ARHGAP11B: variants seen among roughly 807,000 people sequenced by gnomAD.
The protein encoded by ARHGAP11B is Rho GTPase activating protein 11B.
Under a neutral mutation model 27.6 loss-of-function variants are expected in ARHGAP11B, and 14 were observed. The ratio of observed to expected loss-of-function variants is 0.51; its 90% CI spans 0.34 to 0.79. The LOEUF (loss-of-function observed/expected upper bound fraction) is 0.79. Ranked by LOEUF, ARHGAP11B falls within the 30% of genes least tolerant of loss-of-function variation. The pLI, the probability that ARHGAP11B is intolerant of heterozygous loss-of-function variation, is 0.02. For synonymous variants in ARHGAP11B, 82 were observed against 114.1 expected (o/e 0.72, Z 1.80); for missense variants, 245 against 320.1 (o/e 0.77, Z 1.79).
chr15:30,631,787 C>CTTTTTTTTT (rs765025486), intron 2 of ARHGAP11B, among the ~76,000 whole-genome samples: 29 of 139,568 alleles, frequency 2.1e-4, no homozygotes, highest in East Asian at 4.2e-4. Context: ...ACCTTTTGTT[C>CTTTTTTTTT]TTTTTTTTTT....
intron 7 of ARHGAP11B, chr15:30,641,476 T>C (rs2060315097): frequency 6.6e-6 from 1 of 151,572 alleles, no homozygotes; most frequent in African/African-American, 2.4e-5. Context: ...GCTGGGATTA[T>C]AGGTGGCCAC....
chr15:30,645,375 A>G (rs1008992722), intron 8 of ARHGAP11B, among the ~76,000 whole-genome samples: 1 of 152,002 alleles, frequency 6.6e-6, no homozygotes, highest in African/African-American at 2.4e-5. Context: ...GTATCAGTCA[A>G]CCTAATTACC....
chr15:30,643,690 G>C (rs927090322), intron 7 of ARHGAP11B, among the ~76,000 whole-genome samples: 2 of 152,002 alleles, frequency 1.3e-5, no homozygotes, highest in Non-Finnish European at 2.9e-5. Flanking sequence ...TTTGTCTAAG[G>C]GTTTCTCATG....
exon 1 of ARHGAP11B, chr15:30,626,802 A>C (rs761560945): frequency 3.1e-6 from 5 of 1,612,882 alleles, no homozygotes; most frequent in Non-Finnish European, 4.2e-6. Context: ...CCTGCCTCAG[A>C]GTTATCGACG....
exon 4 of ARHGAP11B, chr15:30,634,314 G>C (rs771068533): frequency 6.2e-7 from 1 of 1,613,380 alleles, no homozygotes; most frequent in Non-Finnish European, 8.5e-7. Context: ...TCAACAGTTA[G>C]GCACAGAGGA....
At chr15:30,634,699 A>T (rs971544572) in intron 4 of ARHGAP11B, among the ~76,000 whole-genome samples, 1 of 151,752 alleles carries the variant, frequency 6.6e-6, no homozygotes, top group Non-Finnish European at 1.5e-5. Context: ...CTGGGTTTTT[A>T]AAATATTTCT....
intron 1 of ARHGAP11B, among the ~76,000 whole-genome samples, chr15:30,628,931 T>C (rs192078682): frequency 9.2e-5 from 14 of 152,210 alleles, no homozygotes; most frequent in African/African-American, 3.4e-4. Flanking sequence ...AGAAGTAGAC[T>C]TACCAGCCTA....
chr15:30,639,171 C>T (rs1314740180), intron 7 of ARHGAP11B, among the ~76,000 whole-genome samples: 2 of 152,136 alleles, frequency 1.3e-5, no homozygotes, highest in African/African-American at 2.4e-5. Context: ...AATTTTTTAT[C>T]CTAATTTGCT....
rs553757531 is a variant in ARHGAP11B, at chr15:30,634,070, T to C, written c.298-100T>C. 3.1e-5 allele frequency: 44 copies of C among 1,403,670 alleles called. No homozygotes were observed. In the African/African-American group the frequency reaches 5.9e-4, roughly 19 times the overall value. 87.0% of individuals were successfully genotyped at this position (1,403,670 alleles called of 1,614,324 possible). ...ATATTAAAATAAGAGTTAAGAGAAA[T>C]TTATTAAAGAAAAGTGTAATTAGAG... is the stretch of plus-strand genomic sequence containing the variant. On this transcript the variant is annotated intron_variant, in intron 3 of 10. Transcript: ENST00000428041.
chr15:30,637,482 T>C (rs2060287245), intron 6 of ARHGAP11B, among the ~76,000 whole-genome samples: 3 of 152,092 alleles, frequency 2.0e-5, no homozygotes, highest in African/African-American at 4.8e-5. Flanking sequence ...CGCCTGTAAT[T>C]CCAGCACTCT....
At chr15:30,638,298 G>A (rs761471884) in intron 6 of ARHGAP11B, among the ~76,000 whole-genome samples, 1 of 152,034 alleles carries the variant, frequency 6.6e-6, no homozygotes, top group Non-Finnish European at 1.5e-5. Flanking sequence ...TAGTCAAACG[G>A]TGTTATTTAT....
At chr15:30,639,991 T>TGC (rs2060305585) in intron 7 of ARHGAP11B, among the ~76,000 whole-genome samples, 1 of 151,548 alleles carries the variant, frequency 6.6e-6, no homozygotes, top group African/African-American at 2.4e-5. Context: ...TGTGTGTGTG[T>TGC]GTGTGTGTGT....
intron 2 of ARHGAP11B, 78 bp downstream of exon 2, chr15:30,630,851 G>A: frequency 6.2e-7 from 1 of 1,607,930 alleles, no homozygotes; most frequent in Non-Finnish European, 8.5e-7. Flanking sequence ...AGGCCGAGGT[G>A]GGCAGATCAC....
rs373973490 is a variant in ARHGAP11B, at chr15:30,633,481, C to T, written c.201-9C>T. ...TATGTCTAGCCACCTGAAAAAATCT[C>T]TCTTTCAGCTTTCTTGTCGATGCTT... On this transcript the variant is annotated splice_polypyrimidine_tract_variant and intron_variant, in intron 2 of 10. Transcript: ENST00000428041. 9.7e-5 allele frequency: 156 copies of T among 1,606,992 alleles called. 1 individual carries two copies. The highest frequency in any genetic ancestry group is 2.2e-5 in the Non-Finnish European group (26 of 1,176,988).
intron 1 of ARHGAP11B, among the ~76,000 whole-genome samples, chr15:30,629,373 C>T (rs868659419): frequency 2.0e-5 from 3 of 150,210 alleles, no homozygotes; most frequent in Admixed American, 6.6e-5. Flanking sequence ...GAACCCCCCC[C>T]GCCCCACGTC....
chr15:30,644,023 C>T (rs1321703331), intron 7 of ARHGAP11B, among the ~76,000 whole-genome samples: 2 of 151,828 alleles, frequency 1.3e-5, no homozygotes, highest in South Asian at 2.1e-4. Context: ...CATAAAGTTC[C>T]AGCCATCCTT....
At chr15:30,630,300 CA>C (rs1472227256) in intron 1 of ARHGAP11B, among the ~76,000 whole-genome samples, 3 of 151,706 alleles carry the variant, frequency 2.0e-5, no homozygotes, top group Non-Finnish European at 4.4e-5. Context: ...ATAAGGTGAC[CA>C]AAAGAAAGTA....
intron 8 of ARHGAP11B, chr15:30,644,749 G>T: frequency 1.1e-5 from 14 of 1,300,664 alleles, no homozygotes; most frequent in Non-Finnish European, 1.5e-5. Flanking sequence ...TCTGTATACA[G>T]ATACGAATAT....
intron 5 of ARHGAP11B, 87 bp from the exon 6 acceptor site, chr15:30,635,400 A>T (rs1341951628): frequency 1.3e-6 from 2 of 1,508,302 alleles, no homozygotes; most frequent in Admixed American, 2.2e-5. Flanking sequence ...AAAAAAGAAA[A>T]GAAATTGGTA....
Sources: allele counts gnomAD v4.1 joint callset (sites outside exome capture counted in the v4.1 genomes callset), GRCh38; gene constraint gnomAD v4.1.1; transcripts MANE v1.5; gene names NCBI Gene and HGNC (gene_info 2026-07-23, HGNC 2026-07-21).